The following SLC5A10 variants were observed in gnomAD, a reference collection of about 807,000 sequenced individuals.
SLC5A10 encodes the protein solute carrier family 5 member 10.
A neutral mutation model predicts 68.9 loss-of-function variants in SLC5A10; 55 were observed. The observed-to-expected ratio is 0.80, with a 90% CI of 0.64 to 1.00. The LOEUF is 1.00. Ranked by LOEUF, SLC5A10 falls within the 50% of genes least tolerant of loss-of-function variation. The pLI is 0.00. For missense variants in SLC5A10, 732 were observed against 819.3 expected (o/e 0.89, Z 1.30); for synonymous variants, 344 against 344.8 (o/e 1.00, Z 0.02).
intron 11 of SLC5A10, among the ~76,000 whole-genome samples, chr17:19,015,769 C>T (rs938302814): frequency 1.3e-5 from 2 of 152,196 alleles, no homozygotes; most frequent in Admixed American, 6.5e-5. Flanking sequence ...CCCTTCATAC[C>T]CCAGGGACGC....
chr17:18,964,440 T>C lies in SLC5A10; in HGVS notation c.453+3788T>C, dbSNP rs181884742. Among the ~76,000 whole-genome samples, 13 of 152,298 alleles carry C rather than the reference T, an allele frequency of 8.5e-5. No homozygotes were observed. The East Asian group carries it at 2.1e-3, about 25-fold the overall frequency. ...TTCTGGGCTGCCACTCCCTGCCCTATGGAAATCACCTACTTACTGTGCACC... is the reference window on the plus strand; with the variant it reads ...TTCTGGGCTGCCACTCCCTGCCCTACGGAAATCACCTACTTACTGTGCACC... On this transcript the variant is annotated intron_variant, in intron 5 of 14. Coordinates refer to ENST00000395645, the MANE Select transcript of SLC5A10 (RefSeq NM_001042450.4).
At chr17:18,957,853 T>C (rs1268224242) in intron 1 of SLC5A10, among the ~76,000 whole-genome samples, 1 of 152,198 alleles carries the variant, frequency 6.6e-6, no homozygotes, top group Admixed American at 6.5e-5. Flanking sequence ...CCAAAACATT[T>C]TCATCCTGTC....
At position 19,022,403 on chromosome 17, in the gene SLC5A10, G is replaced by C. The variant is rs572466814; in HGVS notation, c.*1972G>C. 7 of 380,292 alleles carry C rather than the reference G, an allele frequency of 1.8e-5. No individual in the cohort carries two copies. The East Asian group carries it at 2.7e-4, about 15-fold the overall frequency. 23.6% of individuals were successfully genotyped at this position (380,292 alleles called of 1,614,324 possible). A position where few individuals can be genotyped will look rare whatever the true frequency, so the allele number is the denominator to read the frequency against. Reference sequence around the variant, plus strand: ...CCGCCCAGCTGGGACAATAGGGCTGGTGGGTCAGGGGACCTGAGTCCTGGT... The same window carrying C: ...CCGCCCAGCTGGGACAATAGGGCTGCTGGGTCAGGGGACCTGAGTCCTGGT... On this transcript the variant is annotated 3_prime_UTR_variant, in exon 15 of 15. Coordinates refer to ENST00000395645, the MANE Select transcript of SLC5A10 (RefSeq NM_001042450.4).
Position 18,978,224 on chromosome 17 carries a change from C to T in SLC5A10, c.982+1235C>T, listed in dbSNP as rs777855127. 2.4e-5 allele frequency: 38 copies of T among 1,582,042 alleles called. No homozygotes were observed. In the Admixed American group the frequency reaches 3.4e-4, roughly 14 times the overall value. On this transcript the variant is annotated intron_variant, in intron 9 of 14. Coordinates refer to ENST00000395645, the MANE Select transcript of SLC5A10 (RefSeq NM_001042450.4). The stretch of plus-strand genomic sequence containing the variant: ...AGCTGGGACACCGTCCTGGGGGGCA[C>T]TGGGCTCTGGGGGAGGGCAAGGCTC...
rs1487341623 is a variant in SLC5A10 at position 18,968,655 on chromosome 17, GCA to G, written c.454-391_454-390del. On this transcript the variant is annotated intron_variant, in intron 5 of 14. Transcript: ENST00000395645. This position sits in a 1 kb window ranked among gnomAD's most constrained non-coding sequence, Gnocchi z 4.1. ...TTCCTGAGGCCTACTGGTCCGCCCA[GCA>G]CACACTTTTCCTGAGGCCTACTGGT... 5.4e-6 allele frequency: 1 copy of G among 186,270 alleles called. No individual in the cohort carries two copies. The highest frequency in any genetic ancestry group is 1.1e-5 in the Non-Finnish European group (1 of 90,784). 11.5% of individuals were successfully genotyped at this position (186,270 alleles called of 1,614,324 possible).
chr17:19,009,734 T>C (rs1808547401), intron 9 of SLC5A10, among the ~76,000 whole-genome samples: 1 of 152,132 alleles, frequency 6.6e-6, no homozygotes, highest in African/African-American at 2.4e-5. Flanking sequence ...TGGTTGCTTG[T>C]GCTAAGCACT....
intron 1 of SLC5A10, chr17:18,954,218 A>T (rs1292024511): frequency 1.3e-5 from 2 of 152,294 alleles, no homozygotes; most frequent in Non-Finnish European, 2.9e-5. Flanking sequence ...CAGACAGTGG[A>T]GGGTTTCTGG....
chr17:19,007,390 G>A (rs1597902791), intron 9 of SLC5A10, among the ~76,000 whole-genome samples: 1 of 152,092 alleles, frequency 6.6e-6, no homozygotes, highest in Non-Finnish European at 1.5e-5. Flanking sequence ...TAACTCTTGA[G>A]TTTTAACTTT....
At chr17:18,982,745 G>A (rs759319423) in intron 9 of SLC5A10, among the ~76,000 whole-genome samples, 2 of 152,230 alleles carry the variant, frequency 1.3e-5, no homozygotes, top group African/African-American at 4.8e-5. Flanking sequence ...TGCCAAGCCC[G>A]CTGGTGCGAG....
chr17:19,005,192 G>A (rs751798219), intron 9 of SLC5A10, among the ~76,000 whole-genome samples: 7 of 152,174 alleles, frequency 4.6e-5, no homozygotes, highest in Non-Finnish European at 1.0e-4. Flanking sequence ...GCAGGGATAG[G>A]GCACTGACTG....
chr17:18,953,980 C>G (rs772384963), intron 1 of SLC5A10: 4 of 152,218 alleles, frequency 2.6e-5, no homozygotes, highest in Non-Finnish European at 4.4e-5. Flanking sequence ...ATCGGCAAAG[C>G]CGAGTTCAAG....
Position 18,958,996 on chromosome 17 carries a change from A to G in SLC5A10, c.184-139A>G, listed in dbSNP as rs184713738. On this transcript the variant is annotated intron_variant, in intron 2 of 14. Coordinates refer to ENST00000395645, the MANE Select transcript of SLC5A10 (RefSeq NM_001042450.4). ...CTGTGCAGCTAGTCATGGGTAGAAC[A>G]CACACCCTGGGCTCCTCATCCGTGA... The G allele has an allele frequency of 2.4e-4, 206 of 847,058 alleles. 2 individuals carry two copies. The East Asian group carries it at 4.1e-3, about 17-fold the overall frequency. The allele number at this position is 847,058 out of a possible 1,614,324, so 52.5% of individuals were successfully genotyped here.
intron 8 of SLC5A10, among the ~76,000 whole-genome samples, chr17:18,972,833 C>T (rs2152003509): frequency 6.6e-6 from 1 of 150,878 alleles, no homozygotes; most frequent in South Asian, 2.1e-4. Flanking sequence ...TGTGCCACTG[C>T]ACTCCAGCCT....
At position 19,017,221 on chromosome 17, in the gene SLC5A10, G is replaced by T; in HGVS notation, c.1241+2022G>T. 7.0e-7 allele frequency: 1 copy of T among 1,430,336 alleles called. No homozygotes were observed. Among genetic ancestry groups the T allele is most frequent in the South Asian group, 1.2e-5 (1 of 80,696 alleles). 88.6% of individuals were successfully genotyped at this position (1,430,336 alleles called of 1,614,324 possible). On this transcript the variant is annotated intron_variant, in intron 11 of 14. Coordinates refer to ENST00000395645, the MANE Select transcript of SLC5A10 (RefSeq NM_001042450.4). This position sits in a 1 kb window ranked among gnomAD's most constrained non-coding sequence, Gnocchi z 5.6. ...AGTTCTCTCAGCTGCCAGCTGGATA[G>T]AGCAGAAAGGGCCCCGTGCCAGGTG...
intron 9 of SLC5A10, among the ~76,000 whole-genome samples, chr17:19,009,049 G>C (rs564904913): frequency 1.3e-5 from 2 of 151,502 alleles, no homozygotes; most frequent in African/African-American, 4.9e-5. Flanking sequence ...CTGGCCTCAA[G>C]TGATTCATCC....
chr17:18,977,255 G>A, intron 9 of SLC5A10: 1 of 589,296 alleles, frequency 1.7e-6, no homozygotes, highest in Non-Finnish European at 3.0e-6. Flanking sequence ...TTCCTCATCT[G>A]CAAACTAGGG....
intron 6 of SLC5A10, 74 bp from the exon 7 acceptor site, chr17:18,969,268 C>T (rs2074272): frequency 0.069 from 109,583 of 1,578,212 alleles, 6,917 homozygotes; most frequent in South Asian, 0.29. Flanking sequence ...CCAGCAGGAG[C>T]CCCAGAAGTT....
At chr17:19,010,457 G>A (rs992087341) in intron 9 of SLC5A10, among the ~76,000 whole-genome samples, 6 of 152,086 alleles carry the variant, frequency 3.9e-5, no homozygotes, top group East Asian at 1.9e-4. Context: ...CTGCCTCCCC[G>A]GGGCTGCTTA....
Position 19,017,153 on chromosome 17 carries a change from G to A in SLC5A10, c.1241+1954G>A. ...GGCCTCCCTGAGGAGCAAGGCACAA[G>A]GCTGCGTGGTGCAGGGCAGGTTGCT... On this transcript the variant is annotated intron_variant, in intron 11 of 14. Transcript: ENST00000395645. This position sits in a 1 kb window ranked among gnomAD's most constrained non-coding sequence, Gnocchi z 5.6. The A allele has an allele frequency of 3.9e-6, 3 of 764,904 alleles. No individual in the cohort carries two copies. The highest frequency in any genetic ancestry group is 6.5e-6 in the Non-Finnish European group (3 of 462,636). 47.4% of individuals were successfully genotyped at this position (764,904 alleles called of 1,614,324 possible).
Sources: gnomAD v4.1 joint callset for allele counts (sites outside exome capture counted in the v4.1 genomes callset) on GRCh38, gnomAD v4.1.1 for gene constraint, Gnocchi (gnomAD v3.1) non-coding constraint, MANE v1.5 for transcripts, NCBI Gene and HGNC (gene_info 2026-07-23, HGNC 2026-07-21) for gene names.